The following EPHA3 variants were observed in gnomAD, a reference collection of about 807,000 sequenced individuals.
The protein encoded by EPHA3 is EPH receptor A3.
Under a neutral mutation model 107.1 loss-of-function variants are expected in EPHA3, and 42 were observed. That is an observed-to-expected ratio of 0.39 (90% CI 0.31 to 0.51). EPHA3 has a LOEUF of 0.51. Among genes scored for constraint, EPHA3 ranks in the 20% least tolerant of loss-of-function variants. The pLI, the probability that EPHA3 is intolerant of heterozygous loss-of-function variation, is 0.78. For missense variants in EPHA3, 1,183 were observed against 1,211.2 expected, an observed-to-expected ratio of 0.98 and a Z score of 0.35; for synonymous variants, 461 against 424.8, an observed-to-expected ratio of 1.09 and a Z score of -1.05.
At chr3:89,177,311 G>T (rs1705342059) in intron 2 of EPHA3, among the ~76,000 whole-genome samples, 1 of 152,128 alleles carries the variant, frequency 6.6e-6, no homozygotes. Flanking sequence ...GCCTTGGTGT[G>T]CACTGACAAC....
chr3:89,136,854 T>G (rs1704325985), intron 2 of EPHA3, among the ~76,000 whole-genome samples: 1 of 151,920 alleles, frequency 6.6e-6, no homozygotes, highest in South Asian at 2.1e-4. Flanking sequence ...CATTCTTTAT[T>G]TTTTTAAAGT....
intron 15 of EPHA3, among the ~76,000 whole-genome samples, chr3:89,472,190 T>C (rs1435610890): frequency 6.6e-6 from 1 of 152,320 alleles, no homozygotes; most frequent in South Asian, 2.1e-4. Flanking sequence ...TAATAAAATA[T>C]GTATGGATAT....
chr3:89,364,127 T>C (rs1708146144), intron 5 of EPHA3, among the ~76,000 whole-genome samples: 2 of 150,862 alleles, frequency 1.3e-5, no homozygotes, highest in Admixed American at 1.3e-4. Flanking sequence ...TCAGGCCTAA[T>C]AAGACAGTCT....
intron 3 of EPHA3, among the ~76,000 whole-genome samples, chr3:89,252,262 G>A (rs1213470523): frequency 6.6e-6 from 1 of 151,980 alleles, no homozygotes; most frequent in African/African-American, 2.4e-5. Flanking sequence ...TGAATTCCAC[G>A]ACTGGTTTGG....
chr3:89,236,650 G>A (rs1704770912), intron 3 of EPHA3, among the ~76,000 whole-genome samples: 1 of 151,478 alleles, frequency 6.6e-6, no homozygotes, highest in Admixed American at 6.6e-5. Context: ...GTTAGTGGGT[G>A]CAGCGCACCA....
intron 1 of EPHA3, among the ~76,000 whole-genome samples, chr3:89,116,284 G>T (rs1251846687): frequency 1.3e-5 from 2 of 152,028 alleles, no homozygotes; most frequent in Non-Finnish European, 2.9e-5. Flanking sequence ...ATTATTTAGG[G>T]TTATGTGTAA....
intron 3 of EPHA3, among the ~76,000 whole-genome samples, chr3:89,295,241 T>A (rs1706318191): frequency 6.6e-6 from 1 of 152,182 alleles, no homozygotes; most frequent in Non-Finnish European, 1.5e-5. Context: ...ACAGTGTACA[T>A]ACCTTAGTTA....
intron 5 of EPHA3, among the ~76,000 whole-genome samples, chr3:89,353,411 T>C (rs1220808649): frequency 6.6e-6 from 1 of 151,414 alleles, no homozygotes; most frequent in Admixed American, 6.6e-5. Flanking sequence ...CTTCTCTTTG[T>C]TTCATTTTAT....
chr3:89,236,302 A>T (rs969198682), intron 3 of EPHA3, among the ~76,000 whole-genome samples: 2 of 152,028 alleles, frequency 1.3e-5, no homozygotes, highest in African/African-American at 4.8e-5. Context: ...ACTATATAAG[A>T]TCTCAAAATA....
chr3:89,201,633 G>A (rs770792416), intron 2 of EPHA3, among the ~76,000 whole-genome samples: 11 of 151,990 alleles, frequency 7.2e-5, no homozygotes, highest in Non-Finnish European at 1.3e-4. Flanking sequence ...ACCAAAAATT[G>A]GGTTAATAAT....
intron 3 of EPHA3, among the ~76,000 whole-genome samples, chr3:89,276,947 T>C (rs1188289519): frequency 2.0e-5 from 3 of 152,150 alleles, no homozygotes; most frequent in Non-Finnish European, 4.4e-5. Context: ...TCAATGAGTA[T>C]ATCCCTTTTA....
At chr3:89,380,643 A>C (rs1708482857) in intron 5 of EPHA3, among the ~76,000 whole-genome samples, 1 of 152,218 alleles carries the variant, frequency 6.6e-6, no homozygotes, top group African/African-American at 2.4e-5. Flanking sequence ...ATTTAGTATA[A>C]CCATCTAATT....
chr3:89,354,092 G>A (rs1327565524), intron 5 of EPHA3, among the ~76,000 whole-genome samples: 1 of 151,074 alleles, frequency 6.6e-6, no homozygotes, highest in Non-Finnish European at 1.5e-5. Flanking sequence ...TCCCCCAAGG[G>A]CAAAAAATAT....
intron 3 of EPHA3, among the ~76,000 whole-genome samples, chr3:89,318,808 T>C (rs187695872): frequency 7.9e-4 from 120 of 152,066 alleles, no homozygotes; most frequent in African/African-American, 2.6e-3. Flanking sequence ...AGTTTTCTTA[T>C]ACTGTCTGTA....
At chr3:89,469,449 C>T (rs1243534142) in intron 15 of EPHA3, among the ~76,000 whole-genome samples, 1 of 152,186 alleles carries the variant, frequency 6.6e-6, no homozygotes, top group African/African-American at 2.4e-5. Context: ...TCACAAACTT[C>T]TCATATGTTC....
At chr3:89,141,353 T>C (rs1418994194) in intron 2 of EPHA3, among the ~76,000 whole-genome samples, 1 of 151,458 alleles carries the variant, frequency 6.6e-6, no homozygotes, top group Non-Finnish European at 1.5e-5. Flanking sequence ...TCTAACAAGA[T>C]ATGGAAAGGA....
At chr3:89,181,920 G>A (rs1290608348) in intron 2 of EPHA3, among the ~76,000 whole-genome samples, 1 of 151,842 alleles carries the variant, frequency 6.6e-6, no homozygotes, top group African/African-American at 2.4e-5. Flanking sequence ...TTTAAGGGTC[G>A]CTGGGAAGGT....
intron 3 of EPHA3, among the ~76,000 whole-genome samples, chr3:89,336,384 G>A (rs950749312): frequency 6.6e-6 from 1 of 152,084 alleles, no homozygotes; most frequent in African/African-American, 2.4e-5. Flanking sequence ...TACTCAGGAT[G>A]ATTTTTTGAA....
chr3:89,183,903 A>G (rs1705501012), intron 2 of EPHA3, among the ~76,000 whole-genome samples: 1 of 151,952 alleles, frequency 6.6e-6, no homozygotes, highest in African/African-American at 2.4e-5. Context: ...TGCTGGTTAC[A>G]TAGAGACATT....
Sources: gnomAD v4.1 joint callset for allele counts (sites outside exome capture counted in the v4.1 genomes callset) on GRCh38, gnomAD v4.1.1 for gene constraint, MANE v1.5 for transcripts, NCBI Gene and HGNC (gene_info 2026-07-23, HGNC 2026-07-21) for gene names.